Variants in LMNA observed in about 807,000 individuals in gnomAD.
LMNA encodes lamin A/C, also known as lamin.
A neutral mutation model predicts 70.4 loss-of-function variants in LMNA; 20 were observed. That is an observed-to-expected ratio of 0.28 (90% CI 0.20 to 0.41). The LOEUF (loss-of-function observed/expected upper bound fraction) is 0.41, where lower values mean the gene tolerates loss of function less well. Among genes scored for constraint, LMNA ranks in the 10% least tolerant of loss-of-function variants. LMNA has a pLI of 1.00. For missense variants in LMNA, 652 were observed against 917.2 expected, an observed-to-expected ratio of 0.71 and a Z score of 3.73; for synonymous variants, 339 against 372.8, an observed-to-expected ratio of 0.91 and a Z score of 1.04.
Position 156,114,772 on chromosome 1 carries a change from C to A in LMNA, c.-147C>A, listed in dbSNP as rs1263529375. 3.2e-6 allele frequency: 2 copies of A among 618,628 alleles called. No homozygotes were observed. Among genetic ancestry groups the A allele is most frequent in the South Asian group, 4.1e-5 (2 of 48,508 alleles). The allele number at this position is 618,628 out of a possible 1,614,324, so 38.3% of individuals were successfully genotyped here. On this transcript the variant is annotated 5_prime_UTR_variant, in exon 1 of 12. Coordinates refer to ENST00000368300, the MANE Select transcript of LMNA (RefSeq NM_170707.4). ...CCAGATCCCGAGGTCCGACAGCGCCCGGCCCAGATCCCCACGCCTGCCAGG... is the reference window on the plus strand; with the variant it reads ...CCAGATCCCGAGGTCCGACAGCGCCAGGCCCAGATCCCCACGCCTGCCAGG...
At chr1:156,110,482 C>T (rs1649493578), upstream of LMNA, among the ~76,000 whole-genome samples, 1 of 152,220 alleles carries the variant, frequency 6.6e-6, no homozygotes, top group Non-Finnish European at 1.5e-5. Flanking sequence ...ATGAAACTAA[C>T]GCTGGAAAAA....
chr1:156,090,763 T>C (rs1420883856), intron 3 of LMNA, among the ~76,000 whole-genome samples: 1 of 152,186 alleles, frequency 6.6e-6, no homozygotes, highest in Non-Finnish European at 1.5e-5. Context: ...ATTGGAGGCA[T>C]GTCTGGAAGT....
At chr1:156,129,556 T>C (rs1650870235) in intron 1 of LMNA, among the ~76,000 whole-genome samples, 1 of 152,204 alleles carries the variant, frequency 6.6e-6, no homozygotes, top group Non-Finnish European at 1.5e-5. Flanking sequence ...GCTTAAGCAC[T>C]GATGAGTTAC....
At chr1:156,108,703 T>C (rs1649435475) in intron 3 of LMNA, among the ~76,000 whole-genome samples, 1 of 151,980 alleles carries the variant, frequency 6.6e-6, no homozygotes, top group African/African-American at 2.4e-5. Context: ...GAGGTGCAGG[T>C]TGCAGTGAGC....
intron 2 of LMNA, among the ~76,000 whole-genome samples, chr1:156,083,974 A>G (rs1648374621): frequency 6.6e-6 from 1 of 151,760 alleles, no homozygotes; most frequent in Admixed American, 6.6e-5. Context: ...ATTTTATATC[A>G]CCCTTTTTAT....
chr1:156,122,194 A>C (rs949813845), intron 1 of LMNA, among the ~76,000 whole-genome samples: 21 of 152,168 alleles, frequency 1.4e-4, no homozygotes, highest in African/African-American at 4.6e-4. Flanking sequence ...TGGACACCCT[A>C]GCCCTCGGTG....
At chr1:156,111,510 C>T (rs1464355208), upstream of LMNA, among the ~76,000 whole-genome samples, 1 of 151,898 alleles carries the variant, frequency 6.6e-6, no homozygotes, top group Non-Finnish European at 1.5e-5. Context: ...ATGCTGATTT[C>T]ACTCATGCAT....
chr1:156,135,810 G>A lies in LMNA; in HGVS notation c.937-91G>A. On this transcript the variant is annotated intron_variant, in intron 5 of 11. Transcript: ENST00000368300. The surrounding 1 kb of genome is among the most constrained non-coding windows in gnomAD (Gnocchi z 4.8). ...GCTCTGATTGCAGATCCTGGAGAGA[G>A]TAGCCAGGTGTCTCCTACACCGACC... is the stretch of plus-strand genomic sequence containing the variant. The A allele has an allele frequency of 9.7e-7, 1 of 1,026,116 alleles. No homozygotes were observed. The highest frequency in any genetic ancestry group is 1.4e-5 in the South Asian group (1 of 73,952). The allele number at this position is 1,026,116 out of a possible 1,614,324, so 63.6% of individuals were successfully genotyped here. A position where few individuals can be genotyped will look rare whatever the true frequency, so the allele number is the denominator to read the frequency against.
Position 156,130,764 on chromosome 1 carries a change from G to C in LMNA, c.504G>C (p.Gln168His), listed in dbSNP as rs747771347. 6.9e-6 allele frequency: 11 copies of C among 1,582,746 alleles called. No homozygotes were observed. Among genetic ancestry groups the C allele is most frequent in the Non-Finnish European group, 7.7e-6 (9 of 1,164,464 alleles). The change falls in exon 2 of 12, where the codon CAG becomes CAC. Residue 168 changes from glutamine to histidine, a missense_variant. Coordinates refer to ENST00000368300, the MANE Select transcript of LMNA (RefSeq NM_170707.4). ...GCGAGCTGCATGATCTGCGGGGCCA[G>C]GTGGCCAAGGTGAGGCCACCCTGCA... The part of the protein sequence containing the change: ...LEGELHDLRG[Q>H]VAKLEAALGE...
chr1:156,084,328 C>CGGGGGGGGGGGGGGG (rs60777722), intron 2 of LMNA, among the ~76,000 whole-genome samples: 2 of 91,038 alleles, frequency 2.2e-5, no homozygotes, highest in African/African-American at 7.6e-5. Flanking sequence ...CTCAGAAGGT[C>CGGGGGGGGGGGGGGG]GGGGGGTGGT....
chr1:156,129,603 C>T (rs16837193), intron 1 of LMNA, among the ~76,000 whole-genome samples: 7,694 of 152,208 alleles, frequency 0.051, 671 homozygotes, highest in African/African-American at 0.18. Flanking sequence ...GGATCTTTCC[C>T]TCCGCTCCCT....
Position 156,139,956 on chromosome 1 carries a change from G to C in LMNA, c.*850G>C, listed in dbSNP as rs754849110. 4.5e-5 allele frequency: 43 copies of C among 960,184 alleles called. No individual in the cohort carries two copies. The highest frequency in any genetic ancestry group is 6.7e-4 in the Middle Eastern group (2 of 2,998). The allele number at this position is 960,184 out of a possible 1,614,324, so 59.5% of individuals were successfully genotyped here. ...AGAGCCTGCTGGCACCCACCGTGGAGGAGGAAGGCAAGAGGGGGTGGAGGG... is the reference window on the plus strand; with the variant it reads ...AGAGCCTGCTGGCACCCACCGTGGACGAGGAAGGCAAGAGGGGGTGGAGGG... On this transcript the variant is annotated 3_prime_UTR_variant, in exon 12 of 12. Coordinates refer to ENST00000368300, the MANE Select transcript of LMNA (RefSeq NM_170707.4).
chr1:156,114,880 G>A lies in LMNA; in HGVS notation c.-39G>A. The stretch of plus-strand genomic sequence containing the variant: ...GACCCGAGCCCCGCGCCCTTTCCGG[G>A]ACCCCTGCCCCGCGGGCAGCGCTGC... On this transcript the variant is annotated 5_prime_UTR_variant, in exon 1 of 12. Coordinates refer to ENST00000368300, the MANE Select transcript of LMNA (RefSeq NM_170707.4). The A allele has an allele frequency of 7.0e-7, 1 of 1,421,216 alleles. No individual in the cohort carries two copies. 88.0% of individuals were successfully genotyped at this position (1,421,216 alleles called of 1,614,324 possible).
At chr1:156,122,326 C>T (rs1219787990) in intron 1 of LMNA, among the ~76,000 whole-genome samples, 1 of 152,062 alleles carries the variant, frequency 6.6e-6, no homozygotes, top group East Asian at 1.9e-4. Context: ...CTCCAGAGAC[C>T]TTTTAGGTTC....
In LMNA at chr1:156,103,117, T is replaced by C. The variant is rs1649197919; in HGVS notation, c.-206-11596T>C. 6.6e-6 allele frequency among the ~76,000 whole-genome samples: 1 copy of C among 152,198 alleles called. No homozygotes were observed. Among genetic ancestry groups the C allele is most frequent in the African/African-American group, 2.4e-5 (1 of 41,442 alleles). The stretch of plus-strand genomic sequence containing the variant: ...GGGGCTGCAGCTGAGCTGGGGACTT[T>C]GTCCCTGCAGCTGCTCTGGCCAACC... On this transcript the variant is annotated intron_variant, in intron 3 of 12. Transcript: ENST00000368301. The surrounding 1 kb of genome is among the most constrained non-coding windows in gnomAD (Gnocchi z 4.7).
intron 1 of LMNA, among the ~76,000 whole-genome samples, chr1:156,119,596 G>A (rs1040589807): frequency 1.3e-5 from 2 of 152,200 alleles, no homozygotes; most frequent in African/African-American, 4.8e-5. Context: ...CTAGTCTGTA[G>A]CCCAAGGGAT....
In LMNA at chr1:156,130,604, C is replaced by G; in HGVS notation, c.357-13C>G. ...CTCCTTCTCTTAAATCTACTCTCCC[C>G]TCTCTTCTTTAGCAATACCAAGAAG... On this transcript the variant is annotated splice_polypyrimidine_tract_variant and intron_variant, in intron 1 of 11. Transcript: ENST00000368300. The G allele has an allele frequency of 6.2e-7, 1 of 1,613,772 alleles. No homozygotes were observed.
rs1553265433 is a variant in LMNA, at chr1:156,135,208, G to A, written c.832G>A (p.Ala278Thr). The change falls in exon 5 of 12, where the codon GCT (alanine) becomes ACT (threonine). Residue 278 changes from alanine to threonine, a missense_variant. This residue lies in a region of LMNA where 254 missense variants were observed against 421.9 expected (regional missense o/e 0.60). Coordinates refer to ENST00000368300, the MANE Select transcript of LMNA (RefSeq NM_170707.4). This position sits in a 1 kb window ranked among gnomAD's most constrained non-coding sequence, Gnocchi z 4.8. ...CCAGCTGGACAATGCCAGGCAGTCT[G>A]CTGAGAGGAACAGCAACCTGGTGGG... is the stretch of plus-strand genomic sequence containing the variant. ...SAKLDNARQS[A>T]ERNSNLVGAA... The A allele has an allele frequency of 6.2e-7, 1 of 1,613,894 alleles. No homozygotes were observed. Among genetic ancestry groups the A allele is most frequent in the Non-Finnish European group, 8.5e-7 (1 of 1,180,050 alleles).
chr1:156,102,559 C>T (rs554419273), intron 3 of LMNA, among the ~76,000 whole-genome samples: 1 of 152,170 alleles, frequency 6.6e-6, no homozygotes, highest in Non-Finnish European at 1.5e-5. Flanking sequence ...TTCCCCCACC[C>T]GAGGCGTTCC....
Sources: gnomAD v4.1 joint callset for allele counts (sites outside exome capture counted in the v4.1 genomes callset) on GRCh38, gnomAD v4.1.1 for gene constraint, gnomAD v4.1.1 regional missense constraint, Gnocchi (gnomAD v3.1) non-coding constraint, MANE v1.5 for transcripts, NCBI Gene and HGNC (gene_info 2026-07-23, HGNC 2026-07-21) for gene names.